The following GRID2 variants were observed in gnomAD, a reference collection of about 807,000 sequenced individuals.
GRID2 encodes the protein glutamate receptor ionotropic, delta-2.
In GRID2, 33 loss-of-function variants were observed where a neutral mutation model predicts 114.8. The observed-to-expected ratio is 0.29, with a 90% CI of 0.22 to 0.38. The LOEUF is 0.38. GRID2 is among the 10% of genes least tolerant of loss of function. The pLI, the probability that GRID2 is intolerant of heterozygous loss-of-function variation, is 1.00. For missense variants in GRID2, 1,184 were observed against 1,257.7 expected, an observed-to-expected ratio of 0.94 and a Z score of 0.89; for synonymous variants, 505 against 449.9, an observed-to-expected ratio of 1.12 and a Z score of -1.55.
At chr4:93,106,838 G>T (rs1489453177) in intron 3 of GRID2, among the ~76,000 whole-genome samples, 1 of 152,030 alleles carries the variant, frequency 6.6e-6, no homozygotes, top group African/African-American at 2.4e-5. Flanking sequence ...TAAAATTTAG[G>T]CAATCTGGCC....
At chr4:92,826,121 C>G (rs576985036) in intron 2 of GRID2, among the ~76,000 whole-genome samples, 1 of 152,190 alleles carries the variant, frequency 6.6e-6, no homozygotes, top group South Asian at 2.1e-4. Context: ...AGCTAGAAAT[C>G]CTATGTAATC....
chr4:92,770,368 C>T (rs1738483272), intron 2 of GRID2, among the ~76,000 whole-genome samples: 2 of 152,230 alleles, frequency 1.3e-5, no homozygotes, highest in South Asian at 4.2e-4. Flanking sequence ...CCACATTTTC[C>T]TTTCTTCTTC....
intron 2 of GRID2, among the ~76,000 whole-genome samples, chr4:92,846,399 T>C (rs1743329183): frequency 6.6e-6 from 1 of 152,106 alleles, no homozygotes; most frequent in Non-Finnish European, 1.5e-5. Context: ...TTAGCTCCCT[T>C]TTGTAAGTGA....
intron 13 of GRID2, among the ~76,000 whole-genome samples, chr4:93,593,617 G>A (rs2149620916): frequency 1.3e-5 from 2 of 150,710 alleles, no homozygotes; most frequent in South Asian, 2.1e-4. Flanking sequence ...GCTAGATTGG[G>A]GAAATTCTCC....
At chr4:92,506,820 A>G (rs1349098459) in intron 1 of GRID2, among the ~76,000 whole-genome samples, 1 of 151,844 alleles carries the variant, frequency 6.6e-6, no homozygotes, top group Non-Finnish European at 1.5e-5. Context: ...TCCTATTTCT[A>G]CTCAGGATAT....
intron 13 of GRID2, among the ~76,000 whole-genome samples, chr4:93,537,912 T>G (rs887864416): frequency 2.0e-5 from 3 of 151,820 alleles, no homozygotes; most frequent in African/African-American, 4.8e-5. Context: ...ACCTCCATAA[T>G]GCAGTTACTA....
At chr4:93,228,340 T>C (rs999378549) in intron 7 of GRID2, among the ~76,000 whole-genome samples, 1 of 152,150 alleles carries the variant, frequency 6.6e-6, no homozygotes, top group African/African-American at 2.4e-5. Context: ...CTTGTGACAA[T>C]TAACCCATTA....
At position 92,418,649 on chromosome 4, in the gene GRID2, C is replaced by T. The variant is rs146586324; in HGVS notation, c.88+113905C>T. On this transcript the variant is annotated intron_variant, in intron 1 of 15. Coordinates refer to ENST00000282020, the MANE Select transcript of GRID2 (RefSeq NM_001510.4). Reference sequence around the variant, plus strand: ...AAAAAGATAGAGGCGGGAAAGATGTCAAGGACAAAATCTAGGTTTCTGGCT... The same window carrying T: ...AAAAAGATAGAGGCGGGAAAGATGTTAAGGACAAAATCTAGGTTTCTGGCT... Among the ~76,000 whole-genome samples, 371 of 152,034 alleles carry T rather than the reference C, an allele frequency of 2.4e-3. 3 individuals carry two copies. The highest frequency in any genetic ancestry group is 8.3e-3 in the African/African-American group (346 of 41,462).
chr4:93,195,800 A>T (rs576413119), intron 4 of GRID2, among the ~76,000 whole-genome samples: 13 of 152,320 alleles, frequency 8.5e-5, no homozygotes, highest in Middle Eastern at 6.8e-3. Context: ...ATTCAGAGTA[A>T]CTCTAATTGT....
intron 4 of GRID2, among the ~76,000 whole-genome samples, chr4:93,163,374 ATATATATATATATATATATATATATACAC>A (rs1395943680): frequency 3.0e-4 from 14 of 47,450 alleles, no homozygotes; most frequent in Non-Finnish European, 4.6e-4. Context: ...ATATATATAT[ATATATATATATATATATATATATATACAC>A]TATATATATA....
At chr4:92,622,826 C>G (rs1009589212) in intron 2 of GRID2, among the ~76,000 whole-genome samples, 2 of 151,576 alleles carry the variant, frequency 1.3e-5, no homozygotes, top group Admixed American at 6.6e-5. Context: ...ATAAAAATAC[C>G]TAAATGACTT....
At chr4:93,354,374 A>G (rs1761107286) in intron 8 of GRID2, among the ~76,000 whole-genome samples, 1 of 152,020 alleles carries the variant, frequency 6.6e-6, no homozygotes, top group Non-Finnish European at 1.5e-5. Context: ...AATAAAGATT[A>G]TGTCACAGAA....
chr4:92,586,609 A>G (rs531953427), intron 1 of GRID2, among the ~76,000 whole-genome samples: 4 of 152,106 alleles, frequency 2.6e-5, no homozygotes, highest in African/African-American at 9.6e-5. Context: ...TACCTGCATT[A>G]ATACTTTTAC....
At chr4:93,699,175 A>G (rs1727294962) in intron 14 of GRID2, among the ~76,000 whole-genome samples, 1 of 152,104 alleles carries the variant, frequency 6.6e-6, no homozygotes, top group African/African-American at 2.4e-5. Flanking sequence ...AATTGTGAAG[A>G]AAATTACCAA....
intron 2 of GRID2, among the ~76,000 whole-genome samples, chr4:93,036,992 T>A (rs993675105): frequency 3.3e-5 from 5 of 152,172 alleles, no homozygotes; most frequent in Non-Finnish European, 7.4e-5. Flanking sequence ...CTACAGATTG[T>A]TGGTCCTAGG....
At chr4:93,255,257 A>T (rs1208965555) in intron 8 of GRID2, among the ~76,000 whole-genome samples, 1 of 152,150 alleles carries the variant, frequency 6.6e-6, no homozygotes, top group Non-Finnish European at 1.5e-5. Context: ...TTGGTGAAAC[A>T]TCTCTATCTT....
chr4:93,033,111 AC>A (rs1230988308), intron 2 of GRID2, among the ~76,000 whole-genome samples: 3 of 152,142 alleles, frequency 2.0e-5, no homozygotes, highest in Non-Finnish European at 2.9e-5. Context: ...ACAACGATAG[AC>A]CTATGCATAT....
intron 2 of GRID2, among the ~76,000 whole-genome samples, chr4:92,724,927 A>T (rs1735994546): frequency 6.6e-6 from 1 of 152,200 alleles, no homozygotes; most frequent in East Asian, 1.9e-4. Context: ...AAAATTGCAC[A>T]TAACTCTATA....
At chr4:92,960,584 C>T (rs1752734631) in intron 2 of GRID2, among the ~76,000 whole-genome samples, 1 of 151,826 alleles carries the variant, frequency 6.6e-6, no homozygotes, top group Non-Finnish European at 1.5e-5. Flanking sequence ...TGATTGTTAG[C>T]ATAATATATA....
Sources: allele counts gnomAD v4.1 joint callset (sites outside exome capture counted in the v4.1 genomes callset), GRCh38; gene constraint gnomAD v4.1.1; transcripts MANE v1.5; gene names NCBI Gene and HGNC (gene_info 2026-07-23, HGNC 2026-07-21).